Variants in FRYL observed in about 807,000 individuals in gnomAD.
FRYL encodes protein furry homolog-like.
A neutral mutation model predicts 351.2 loss-of-function variants in FRYL; 150 were observed. The ratio of observed to expected loss-of-function variants is 0.43; its 90% CI spans 0.37 to 0.49. The LOEUF is 0.49. FRYL is among the 20% of genes least tolerant of loss of function. The pLI is 0.00. For missense variants in FRYL, 3,036 were observed against 3,619.3 expected (o/e 0.84, Z 4.13); for synonymous variants, 1,153 against 1,257.1 (o/e 0.92, Z 1.75).
chr4:48,602,524 G>T (rs2149253369), intron 12 of FRYL, among the ~76,000 whole-genome samples: 1 of 152,114 alleles, frequency 6.6e-6, no homozygotes, highest in South Asian at 2.1e-4. Context: ...ACATAAAGTA[G>T]AGGACAATAA....
chr4:48,563,812 GA>G, intron 31 of FRYL, 135 bp downstream of exon 31: 2 of 837,136 alleles, frequency 2.4e-6, no homozygotes, highest in Non-Finnish European at 3.7e-6. Flanking sequence ...TGGGATCTGA[GA>G]GGGGTCCTGG....
At chr4:48,761,888 A>G (rs546604263) in intron 1 of FRYL, among the ~76,000 whole-genome samples, 26 of 152,180 alleles carry the variant, frequency 1.7e-4, no homozygotes, top group Non-Finnish European at 3.5e-4. Context: ...CTAAGGACAC[A>G]TTTCTCAGAA....
chr4:48,736,864 A>AAG (rs1553877086), intron 1 of FRYL, among the ~76,000 whole-genome samples: 4 of 150,230 alleles, frequency 2.7e-5, no homozygotes, highest in Non-Finnish European at 5.9e-5. Flanking sequence ...AAAAAAAAAA[A>AAG]AAAAAAGAAA....
intron 1 of FRYL, among the ~76,000 whole-genome samples, chr4:48,768,674 G>C (rs977154648): frequency 3.9e-5 from 6 of 152,088 alleles, no homozygotes; most frequent in Middle Eastern, 6.8e-3. Context: ...GTGGTGGCGG[G>C]CGCCTGTAAT....
In FRYL at chr4:48,745,658, C is replaced by T. The variant is rs542360262; in HGVS notation, c.-384+34420G>A. Among the ~76,000 whole-genome samples the T allele has an allele frequency of 1.2e-4, 19 of 152,080 alleles. No individual in the cohort carries two copies. In the East Asian group the frequency reaches 2.1e-3, roughly 17 times the overall value. On this transcript the variant is annotated intron_variant, in intron 1 of 63. Transcript: ENST00000358350. Reference sequence around the variant, plus strand: ...TAGGAGATATACCTAATGTAAATGACGAGTTAATGGGTGCAGCACACCAAC... The same window carrying T: ...TAGGAGATATACCTAATGTAAATGATGAGTTAATGGGTGCAGCACACCAAC...
At chr4:48,595,831 C>T in intron 14 of FRYL, 66 bp downstream of exon 14, 1 of 1,172,998 alleles carries the variant, frequency 8.5e-7, no homozygotes, top group South Asian at 1.4e-5. Context: ...TACTAAAATT[C>T]CCAATAGTGT....
intron 2 of FRYL, among the ~76,000 whole-genome samples, chr4:48,707,429 G>C (rs1325218338): frequency 6.6e-6 from 1 of 152,194 alleles, no homozygotes; most frequent in Non-Finnish European, 1.5e-5. Context: ...ACAGGAGTGA[G>C]AGAAAAGTTG....
At chr4:48,510,261 T>C in intron 58 of FRYL, 104 bp from the exon 59 acceptor site, 1 of 825,848 alleles carries the variant, frequency 1.2e-6, no homozygotes, top group Non-Finnish European at 2.1e-6. Flanking sequence ...TTAGTTGGTT[T>C]TTGGATATTC....
rs571516286 is a variant in FRYL, at chr4:48,606,664, A to T, written c.573-58T>A. ...AATTAAAAACACTAATTTCCACATG[A>T]TATTTAAGGGTAAAAATCAAAAGGT... On this transcript the variant is annotated intron_variant, in intron 9 of 63. Transcript: ENST00000358350. The T allele has an allele frequency of 1.0e-4, 140 of 1,398,176 alleles. No individual in the cohort carries two copies. In the African/African-American group the frequency reaches 1.8e-3, roughly 18 times the overall value. 86.6% of individuals were successfully genotyped at this position (1,398,176 alleles called of 1,614,324 possible). A position where few individuals can be genotyped will look rare whatever the true frequency, so the allele number is the denominator to read the frequency against.
Position 48,634,396 on chromosome 4 carries a change from C to T in FRYL, c.15G>A (p.Thr5=), listed in dbSNP as rs760398778. Residue 5 remains threonine, a synonymous_variant, in exon 4 of 64, where the codon ACG becomes ACA. Transcript: ENST00000358350. ...CACCAGGTTTGACATCTGGGTCAAT[C>T]GTAATGTTTGACATGATGATATTTT... MSNI[T]IDPDVKPGEY... The T allele has an allele frequency of 3.1e-6, 5 of 1,612,616 alleles. No individual in the cohort carries two copies. The African/African-American group carries it at 5.3e-5, about 17-fold the overall frequency.
At chr4:48,618,385 A>G (rs1749979588) in intron 7 of FRYL, 1 of 152,206 alleles carries the variant, frequency 6.6e-6, no homozygotes, top group South Asian at 2.1e-4. Context: ...CAGACTGTCA[A>G]TTAATTTTAT....
intron 33 of FRYL, among the ~76,000 whole-genome samples, chr4:48,560,867 G>A (rs1735343415): frequency 6.6e-6 from 1 of 152,172 alleles, no homozygotes; most frequent in Non-Finnish European, 1.5e-5. Context: ...TCCCAAGCCA[G>A]CTAAGTCCAC....
chr4:48,542,012 G>C lies in FRYL; in HGVS notation c.5687+15C>G. On this transcript the variant is annotated intron_variant, in intron 45 of 63. Transcript: ENST00000358350. ...AAGTTCTCTCTATATTAGGTTGCCTGGTTTAAATTCTTACTGAGAAAGGGC... is the reference window on the plus strand; with the variant it reads ...AAGTTCTCTCTATATTAGGTTGCCTCGTTTAAATTCTTACTGAGAAAGGGC... 6.3e-7 allele frequency: 1 copy of C among 1,578,592 alleles called. No homozygotes were observed. Among genetic ancestry groups the C allele is most frequent in the Non-Finnish European group, 8.7e-7 (1 of 1,147,994 alleles).
intron 4 of FRYL, among the ~76,000 whole-genome samples, chr4:48,632,106 A>ATATATATATATATG (rs1753275049): frequency 3.4e-5 from 2 of 58,202 alleles, no homozygotes; most frequent in Non-Finnish European, 7.3e-5. Flanking sequence ...ATATATATAT[A>ATATATATATATATG]TATATATATA....
chr4:48,737,877 T>C (rs1436373115), intron 1 of FRYL, among the ~76,000 whole-genome samples: 1 of 152,196 alleles, frequency 6.6e-6, no homozygotes, highest in Non-Finnish European at 1.5e-5. Context: ...ATCATATAAA[T>C]AGATGCAGAA....
chr4:48,778,405 T>A (rs1776250539), intron 1 of FRYL, among the ~76,000 whole-genome samples: 1 of 150,882 alleles, frequency 6.6e-6, no homozygotes, highest in South Asian at 2.1e-4. Flanking sequence ...TACAAAATAA[T>A]TCAGAGTGGA....
intron 40 of FRYL, among the ~76,000 whole-genome samples, chr4:48,548,233 T>C (rs1240852308): frequency 2.6e-5 from 4 of 152,156 alleles, no homozygotes; most frequent in African/African-American, 4.8e-5. Context: ...AAATGTATTA[T>C]AGATATGGTA....
intron 1 of FRYL, among the ~76,000 whole-genome samples, chr4:48,753,473 C>G (rs1773458652): frequency 6.6e-6 from 1 of 151,860 alleles, no homozygotes; most frequent in Non-Finnish European, 1.5e-5. Context: ...TAAAATTCAC[C>G]AATTTAATCA....
chr4:48,568,967 T>C (rs1737563594), intron 27 of FRYL, among the ~76,000 whole-genome samples: 1 of 152,224 alleles, frequency 6.6e-6, no homozygotes, highest in Non-Finnish European at 1.5e-5. Context: ...TTTTTTTCCG[T>C]AGCCATGAAA....
Sources: gnomAD v4.1 joint callset for allele counts (sites outside exome capture counted in the v4.1 genomes callset) on GRCh38, gnomAD v4.1.1 for gene constraint, MANE v1.5 for transcripts, NCBI Gene and HGNC (gene_info 2026-07-23, HGNC 2026-07-21) for gene names.